Variants in RAI14 observed in about 807,000 individuals in gnomAD.
The protein encoded by RAI14 is retinoic acid induced 14.
In RAI14, 45 loss-of-function variants were observed where a neutral mutation model predicts 115.4. That is an observed-to-expected ratio of 0.39 (90% CI 0.31 to 0.50). The LOEUF is 0.50. RAI14 is among the 20% of genes least tolerant of loss of function. The probability of loss-of-function intolerance (pLI) is 0.85; values close to 1 mark genes in which losing one functional copy is unlikely to be tolerated. For synonymous variants in RAI14, 371 were observed against 415.4 expected (o/e 0.89, Z 1.30); for missense variants, 939 against 1,131.2 (o/e 0.83, Z 2.44).
intron 1 of RAI14, among the ~76,000 whole-genome samples, chr5:34,676,067 T>C (rs1049480327): frequency 2.6e-5 from 4 of 152,276 alleles, no homozygotes; most frequent in Admixed American, 2.6e-4. Flanking sequence ...TAAATGTACA[T>C]TTAACTTTGT....
At chr5:34,717,507 A>G (rs1488535540) in intron 2 of RAI14, among the ~76,000 whole-genome samples, 3 of 152,172 alleles carry the variant, frequency 2.0e-5, no homozygotes, top group Non-Finnish European at 4.4e-5. Context: ...GCGGGGGGGA[A>G]TCCTTGTGGA....
chr5:34,760,880 T>C (rs533654366), intron 3 of RAI14, among the ~76,000 whole-genome samples: 2 of 152,276 alleles, frequency 1.3e-5, no homozygotes, highest in South Asian at 2.1e-4. Flanking sequence ...CCGAACCCAT[T>C]AGGGAGAAAC....
chr5:34,780,921 G>A lies in RAI14; in HGVS notation c.168-15018G>A, dbSNP rs192223693. The stretch of plus-strand genomic sequence containing the variant: ...TGCTGCTATAAAGTCACATGCACAC[G>A]TATGTTTATTGCGGCACTATTCACA... On this transcript the variant is annotated intron_variant, in intron 3 of 17. Transcript: ENST00000265109. Among the ~76,000 whole-genome samples the A allele has an allele frequency of 7.9e-4, 120 of 152,196 alleles. 1 individual carries two copies. In the East Asian group the frequency reaches 0.016, roughly 20 times the overall value.
At chr5:34,772,820 G>A (rs575875993) in intron 3 of RAI14, among the ~76,000 whole-genome samples, 10 of 152,284 alleles carry the variant, frequency 6.6e-5, no homozygotes, top group African/African-American at 2.4e-4. Context: ...AAAAGAAAAT[G>A]AGAGCGAGAG....
chr5:34,723,159 G>A (rs1479692586), intron 2 of RAI14, among the ~76,000 whole-genome samples: 2 of 151,086 alleles, frequency 1.3e-5, no homozygotes, highest in Non-Finnish European at 2.9e-5. Context: ...TGGAGTGATG[G>A]TGAGGGTATA....
chr5:34,799,493 G>GACACACACACACAC (rs780186006), intron 4 of RAI14, among the ~76,000 whole-genome samples: 26 of 124,106 alleles, frequency 2.1e-4, no homozygotes, highest in South Asian at 5.6e-4. Flanking sequence ...CACACACACA[G>GACACACACACACAC]ACACACACAC....
intron 13 of RAI14, among the ~76,000 whole-genome samples, chr5:34,820,177 A>T (rs767881780): frequency 2.0e-5 from 3 of 152,210 alleles, no homozygotes; most frequent in Non-Finnish European, 4.4e-5. Context: ...TTAAGATTAA[A>T]GTTTTCATCT....
At chr5:34,719,809 C>A (rs981184838) in intron 2 of RAI14, among the ~76,000 whole-genome samples, 1 of 152,106 alleles carries the variant, frequency 6.6e-6, no homozygotes, top group South Asian at 2.1e-4. Flanking sequence ...AGGTGTAAGA[C>A]GCACCAGCGA....
intron 3 of RAI14, among the ~76,000 whole-genome samples, chr5:34,793,740 T>G (rs943345508): frequency 6.6e-6 from 1 of 152,212 alleles, no homozygotes; most frequent in African/African-American, 2.4e-5. Context: ...GGCTACTCTC[T>G]TATTTAGATA....
At chr5:34,687,806 G>A (rs2279604) in intron 2 of RAI14, 934,918 of 1,474,064 alleles carry the variant, frequency 0.63, 298,511 homozygotes, top group African/African-American at 0.77. Context: ...TTGCTTTGCC[G>A]TGAATTATAT....
chr5:34,766,811 C>G (rs1188752234), intron 3 of RAI14, among the ~76,000 whole-genome samples: 1 of 152,100 alleles, frequency 6.6e-6, no homozygotes, highest in African/African-American at 2.4e-5. Context: ...TGTGTCCCTA[C>G]CCAAATCTCA....
At chr5:34,712,137 C>G (rs1376974056) in intron 2 of RAI14, among the ~76,000 whole-genome samples, 2 of 152,122 alleles carry the variant, frequency 1.3e-5, no homozygotes, top group African/African-American at 4.8e-5. Context: ...GTTAAAACCA[C>G]TTTATATGGG....
rs115569401 is a variant in RAI14 at position 34,827,032 on chromosome 5, C to T, written c.2799+553C>T. Among the ~76,000 whole-genome samples, 310 of 152,332 alleles carry T rather than the reference C, an allele frequency of 2.0e-3. No individual in the cohort carries two copies. The highest frequency in any genetic ancestry group is 7.3e-3 in the African/African-American group (302 of 41,576). ...GAACTGAATTCCAAAATCACTTTCA[C>T]TGGACTAACTTCAAGTTGTTGGCAG... On this transcript the variant is annotated intron_variant, in intron 16 of 17. Coordinates refer to ENST00000265109, the MANE Select transcript of RAI14 (RefSeq NM_015577.3). The surrounding 1 kb of genome is among the most constrained non-coding windows in gnomAD (Gnocchi z 4.2).
Position 34,818,862 on chromosome 5 carries a change from G to T in RAI14, c.994+11G>T. On this transcript the variant is annotated intron_variant, in intron 13 of 17. Coordinates refer to ENST00000265109, the MANE Select transcript of RAI14 (RefSeq NM_015577.3). ...GTGACAGTACTACAGGTAAGACAAG[G>T]AAGCATCTGTTTTTTTTTTTCCTTC... 6.3e-7 allele frequency: 1 copy of T among 1,584,356 alleles called. No individual in the cohort carries two copies. Among genetic ancestry groups the T allele is most frequent in the African/African-American group, 1.4e-5 (1 of 73,496 alleles).
chr5:34,778,650 G>C (rs749909408), intron 3 of RAI14, among the ~76,000 whole-genome samples: 5 of 151,958 alleles, frequency 3.3e-5, no homozygotes, highest in Middle Eastern at 3.4e-3. Context: ...GGGTTTGGTG[G>C]CTCACACCTG....
intron 3 of RAI14, among the ~76,000 whole-genome samples, chr5:34,792,235 C>CTTTTTTTT (rs55986330): frequency 8.6e-5 from 11 of 127,464 alleles, no homozygotes; most frequent in Non-Finnish European, 1.4e-4. Flanking sequence ...TTTCTTTTTT[C>CTTTTTTTT]TTTTTTTTTT....
At chr5:34,722,978 T>C (rs1742971044) in intron 2 of RAI14, among the ~76,000 whole-genome samples, 3 of 151,304 alleles carry the variant, frequency 2.0e-5, no homozygotes, top group Non-Finnish European at 2.9e-5. Flanking sequence ...TATGCACTTA[T>C]AATTGCAGCT....
intron 12 of RAI14, among the ~76,000 whole-genome samples, chr5:34,817,286 A>G (rs192132870): frequency 2.0e-5 from 3 of 151,736 alleles, no homozygotes; most frequent in Middle Eastern, 3.4e-3. Context: ...AAAAAAAAAA[A>G]AAAGAAAAAG....
At chr5:34,701,529 C>A (rs1225933565) in intron 2 of RAI14, among the ~76,000 whole-genome samples, 1 of 152,168 alleles carries the variant, frequency 6.6e-6, no homozygotes, top group Non-Finnish European at 1.5e-5. Context: ...CTACCAATCC[C>A]AAGTCTTTAG....
Sources: allele counts gnomAD v4.1 joint callset (sites outside exome capture counted in the v4.1 genomes callset), GRCh38; gene constraint gnomAD v4.1.1; non-coding constraint Gnocchi (gnomAD v3.1); transcripts MANE v1.5; gene names NCBI Gene and HGNC (gene_info 2026-07-23, HGNC 2026-07-21).